Variants in RGS17 observed in about 807,000 individuals in gnomAD.
The protein encoded by RGS17 is regulator of G-protein signaling 17.
In RGS17, 12 loss-of-function variants were observed where a neutral mutation model predicts 25.5. That is an observed-to-expected ratio of 0.47 (90% CI 0.30 to 0.76). The LOEUF (loss-of-function observed/expected upper bound fraction) is 0.76. Among genes scored for constraint, RGS17 ranks in the 30% least tolerant of loss-of-function variants. The probability of loss-of-function intolerance (pLI) is 0.07; values close to 1 mark genes in which losing one functional copy is unlikely to be tolerated. For synonymous variants in RGS17, 71 were observed against 76.9 expected, an observed-to-expected ratio of 0.92 and a Z score of 0.40; for missense variants, 196 against 242.2, an observed-to-expected ratio of 0.81 and a Z score of 1.27.
chr6:153,085,973 C>T (rs188639080), intron 1 of RGS17, among the ~76,000 whole-genome samples: 1 of 152,192 alleles, frequency 6.6e-6, no homozygotes, highest in South Asian at 2.1e-4. Context: ...CAGGAAAGTT[C>T]TTGGGAGTTC....
chr6:153,051,702 G>A (rs751676857), intron 1 of RGS17, among the ~76,000 whole-genome samples: 4 of 152,202 alleles, frequency 2.6e-5, no homozygotes, highest in Non-Finnish European at 5.9e-5. Context: ...AATGTGAGAA[G>A]AGAGAAATGA....
At chr6:153,064,488 G>A (rs1776680159) in intron 1 of RGS17, among the ~76,000 whole-genome samples, 4 of 151,956 alleles carry the variant, frequency 2.6e-5, no homozygotes, top group Admixed American at 2.6e-4. Flanking sequence ...AAATTAGCCG[G>A]GTGTGGTGGC....
At chr6:153,126,915 T>A (rs1777712310) in intron 1 of RGS17, among the ~76,000 whole-genome samples, 1 of 152,134 alleles carries the variant, frequency 6.6e-6, no homozygotes, top group Non-Finnish European at 1.5e-5. Flanking sequence ...AACAAAGGAA[T>A]GTTAATTTTT....
chr6:153,051,298 G>A (rs1416193451), intron 1 of RGS17, among the ~76,000 whole-genome samples: 2 of 152,146 alleles, frequency 1.3e-5, no homozygotes, highest in Non-Finnish European at 2.9e-5. Flanking sequence ...TGTCATGAAG[G>A]GACTTTTAAA....
chr6:153,078,978 A>G (rs1024925473), intron 1 of RGS17, among the ~76,000 whole-genome samples: 1 of 152,148 alleles, frequency 6.6e-6, no homozygotes, highest in African/African-American at 2.4e-5. Flanking sequence ...CATGTCTTCT[A>G]TAAATAAAGG....
intron 1 of RGS17, among the ~76,000 whole-genome samples, chr6:153,102,004 A>G (rs779383358): frequency 2.6e-5 from 4 of 152,216 alleles, no homozygotes; most frequent in Non-Finnish European, 5.9e-5. Context: ...GTGGTTATGA[A>G]TTGGTACCTA....
chr6:153,130,461 A>ACC lies in RGS17; in HGVS notation c.-26+661_-26+662dup, dbSNP rs1777770216. The stretch of plus-strand genomic sequence containing the variant: ...GGGGAAGGAACAAAAGAGACCCCCC[A>ACC]CCCCCTATACATACATACACATACA... On this transcript the variant is annotated intron_variant, in intron 1 of 4. Transcript: ENST00000206262. This position sits in a 1 kb window ranked among gnomAD's most constrained non-coding sequence, Gnocchi z 6.4. Among the ~76,000 whole-genome samples the ACC allele has an allele frequency of 7.0e-6, 1 of 141,922 alleles. No individual in the cohort carries two copies. The highest frequency in any genetic ancestry group is 7.1e-5 in the Admixed American group (1 of 14,108). The allele number at this position is 141,922 out of a possible 152,430, so 93.1% of individuals were successfully genotyped here.
At chr6:153,046,489 ATTAT>A (rs1368086915) in intron 1 of RGS17, among the ~76,000 whole-genome samples, 10 of 152,092 alleles carry the variant, frequency 6.6e-5, no homozygotes, top group Admixed American at 5.9e-4. Context: ...ATGTACAATT[ATTAT>A]TTGTCAATTA....
intron 1 of RGS17, among the ~76,000 whole-genome samples, chr6:153,079,909 T>C (rs1437311891): frequency 1.3e-5 from 2 of 152,152 alleles, no homozygotes; most frequent in Non-Finnish European, 2.9e-5. Flanking sequence ...ATTTGGACCT[T>C]ATTTGGGGAG....
chr6:153,112,620 G>A (rs925189270), intron 1 of RGS17, among the ~76,000 whole-genome samples: 20 of 152,142 alleles, frequency 1.3e-4, no homozygotes, highest in East Asian at 5.8e-4. Flanking sequence ...ACACCTAATC[G>A]TCAGATTCAC....
At chr6:153,072,098 T>C (rs1318817448) in intron 1 of RGS17, among the ~76,000 whole-genome samples, 1 of 152,174 alleles carries the variant, frequency 6.6e-6, no homozygotes, top group African/African-American at 2.4e-5. Flanking sequence ...ATTACTTGTA[T>C]TCCCAGCATC....
At position 153,011,439 on chromosome 6, in the gene RGS17, G is replaced by T; in HGVS notation, c.*135C>A. The T allele has an allele frequency of 3.2e-6, 2 of 627,452 alleles. No individual in the cohort carries two copies. The highest frequency in any genetic ancestry group is 2.8e-6 in the Non-Finnish European group (1 of 360,630). The allele number at this position is 627,452 out of a possible 1,614,324, so 38.9% of individuals were successfully genotyped here. ...AAACCTTGATAAAAATGGAGACAAAGACCATAACGGTTGTGTTTTCACAGT... is the reference window on the plus strand; with the variant it reads ...AAACCTTGATAAAAATGGAGACAAATACCATAACGGTTGTGTTTTCACAGT... On this transcript the variant is annotated 3_prime_UTR_variant, in exon 5 of 5. Transcript: ENST00000206262.
chr6:153,105,510 T>A (rs1338165239), intron 1 of RGS17, among the ~76,000 whole-genome samples: 2 of 152,144 alleles, frequency 1.3e-5, no homozygotes, highest in African/African-American at 2.4e-5. Context: ...AGCTGTGAAA[T>A]CATGAAGGTC....
At chr6:153,038,571 A>T (rs1465839240) in intron 2 of RGS17, among the ~76,000 whole-genome samples, 4 of 152,216 alleles carry the variant, frequency 2.6e-5, no homozygotes, top group African/African-American at 9.7e-5. Flanking sequence ...ATGTGAGATG[A>T]ATCAGCTCTC....
chr6:153,030,179 C>T (rs974807649), intron 2 of RGS17, among the ~76,000 whole-genome samples: 1 of 152,106 alleles, frequency 6.6e-6, no homozygotes, highest in South Asian at 2.1e-4. Flanking sequence ...AGAAAATGTG[C>T]CCCCTCTCTA....
intron 1 of RGS17, among the ~76,000 whole-genome samples, chr6:153,112,024 TCTC>T (rs1227752693): frequency 1.1e-4 from 16 of 152,216 alleles, no homozygotes; most frequent in Admixed American, 9.2e-4. Context: ...GAAAGCCTCT[TCTC>T]CTCCAAAGGA....
At chr6:153,044,111 A>C in intron 1 of RGS17, 68 bp from the exon 2 acceptor site, 4 of 773,738 alleles carry the variant, frequency 5.2e-6, no homozygotes, top group East Asian at 2.7e-5. Context: ...ATGCTGAAGG[A>C]AGGCTCATTT....
Position 153,004,680 on chromosome 6 carries a change from C to G in RGS17, c.*6894G>C, listed in dbSNP as rs1383203052. On this transcript the variant is annotated 3_prime_UTR_variant, in exon 5 of 5. Transcript: ENST00000206262. ...TACATGGTGAAAATTCTAGCATTTT[C>G]CAGAAGTATATTATTGTACATAGGT... The G allele has an allele frequency of 1.3e-5, 2 of 151,824 alleles. No individual in the cohort carries two copies. The highest frequency in any genetic ancestry group is 2.9e-5 in the Non-Finnish European group (2 of 67,946). 9.4% of individuals were successfully genotyped at this position (151,824 alleles called of 1,614,324 possible).
At chr6:153,018,310 C>T (rs1274319430) in intron 4 of RGS17, among the ~76,000 whole-genome samples, 4 of 152,034 alleles carry the variant, frequency 2.6e-5, no homozygotes, top group African/African-American at 9.7e-5. Flanking sequence ...TGGAAAAGCA[C>T]CACATTTGGA....
Sources: allele counts gnomAD v4.1 joint callset (sites outside exome capture counted in the v4.1 genomes callset), GRCh38; gene constraint gnomAD v4.1.1; non-coding constraint Gnocchi (gnomAD v3.1); transcripts MANE v1.5; gene names NCBI Gene and HGNC (gene_info 2026-07-23, HGNC 2026-07-21).